CRTAC1: variants seen among roughly 807,000 people sequenced by gnomAD.
CRTAC1 encodes acidic secreted protein in cartilage.
CRTAC1 carries 37 observed loss-of-function variants against 67.8 expected under a neutral mutation model. That is an observed-to-expected ratio of 0.55 (90% confidence interval 0.42 to 0.72). The LOEUF (loss-of-function observed/expected upper bound fraction) is 0.72. Among genes scored for constraint, CRTAC1 ranks in the 30% least tolerant of loss-of-function variants. CRTAC1 has a pLI of 0.00. For synonymous variants in CRTAC1, 348 were observed against 371.0 expected (o/e 0.94, Z 0.71); for missense variants, 780 against 931.6 (o/e 0.84, Z 2.12).
chr10:97,875,886 C>T (rs2050141528), intron 14 of CRTAC1: 2 of 152,218 alleles, frequency 1.3e-5, no homozygotes, highest in Admixed American at 6.5e-5. Context: ...ATGGCACCTT[C>T]CCAGAGTAGG....
chr10:97,935,344 A>G (rs2051070218), intron 3 of CRTAC1, among the ~76,000 whole-genome samples: 1 of 152,202 alleles, frequency 6.6e-6, no homozygotes, highest in African/African-American at 2.4e-5. Context: ...TTAAGTATTA[A>G]CTGTTATTAT....
intron 14 of CRTAC1, chr10:97,879,949 C>T (rs1270668414): frequency 3.9e-6 from 3 of 776,226 alleles, no homozygotes; most frequent in Admixed American, 2.9e-5. Context: ...TAGTTTATAT[C>T]CCAGCTATGA....
chr10:97,965,678 T>C (rs2051603586), intron 2 of CRTAC1, among the ~76,000 whole-genome samples: 1 of 152,098 alleles, frequency 6.6e-6, no homozygotes, highest in Non-Finnish European at 1.5e-5. Flanking sequence ...CTCCCTAAAG[T>C]AAAGTCATTT....
chr10:97,923,544 G>C (rs1022793299), intron 3 of CRTAC1, 144 bp from the exon 4 acceptor site: 6 of 881,622 alleles, frequency 6.8e-6, no homozygotes, highest in African/African-American at 1.6e-5. Context: ...ACCTCAAGCA[G>C]GTGAGACTCC....
At chr10:97,919,660 C>T (rs1185202809) in intron 4 of CRTAC1, among the ~76,000 whole-genome samples, 7 of 152,104 alleles carry the variant, frequency 4.6e-5, no homozygotes, top group Non-Finnish European at 8.8e-5. Context: ...AATATAGACC[C>T]TCAGCAACCA....
chr10:97,898,830 C>T (rs1175516550), intron 8 of CRTAC1, among the ~76,000 whole-genome samples: 3 of 152,128 alleles, frequency 2.0e-5, no homozygotes, highest in Non-Finnish European at 4.4e-5. Flanking sequence ...ACCCTGCACA[C>T]CGCAGTTGGC....
intron 11 of CRTAC1, among the ~76,000 whole-genome samples, chr10:97,893,711 C>A (rs1007719767): frequency 3.5e-4 from 53 of 152,208 alleles, no homozygotes; most frequent in African/African-American, 1.2e-3. Context: ...CACAAAGACC[C>A]TCTCGGGCTG....
intron 2 of CRTAC1, among the ~76,000 whole-genome samples, chr10:98,002,804 A>G (rs147926658): frequency 1.3e-5 from 1 of 77,806 alleles, no homozygotes; most frequent in African/African-American, 5.0e-5. Flanking sequence ...TTTTTGAGAG[A>G]GTCTGTCTCT....
chr10:98,027,871 G>A (rs964034170), intron 1 of CRTAC1, among the ~76,000 whole-genome samples: 1 of 152,236 alleles, frequency 6.6e-6, no homozygotes, highest in Non-Finnish European at 1.5e-5. Flanking sequence ...AGTGGAAACA[G>A]CTCTGAATCG....
At chr10:97,911,119 C>A (rs780938841) in intron 5 of CRTAC1, among the ~76,000 whole-genome samples, 1 of 152,192 alleles carries the variant, frequency 6.6e-6, no homozygotes, top group Non-Finnish European at 1.5e-5. Flanking sequence ...CTGTCCCTGC[C>A]CTGGTCTTAC....
At chr10:97,998,582 A>G (rs2136680975) in intron 2 of CRTAC1, among the ~76,000 whole-genome samples, 1 of 152,330 alleles carries the variant, frequency 6.6e-6, no homozygotes, top group Admixed American at 6.5e-5. Context: ...CAGTAGAGAT[A>G]TTTTTAGATT....
At chr10:97,905,666 G>A (rs1034139975) in intron 6 of CRTAC1, among the ~76,000 whole-genome samples, 2 of 152,214 alleles carry the variant, frequency 1.3e-5, no homozygotes, top group Admixed American at 1.3e-4. Flanking sequence ...AGGGCCTGTG[G>A]TTGCCTGGTA....
chr10:97,930,339 T>TGCA (rs1400216673), intron 3 of CRTAC1, among the ~76,000 whole-genome samples: 1 of 152,202 alleles, frequency 6.6e-6, no homozygotes, highest in Non-Finnish European at 1.5e-5. Context: ...CTTTGGCCCA[T>TGCA]GCTGGGAGAG....
intron 8 of CRTAC1, among the ~76,000 whole-genome samples, chr10:97,900,890 G>A (rs672174): frequency 1.2e-5 from 1 of 83,308 alleles, no homozygotes; most frequent in Admixed American, 1.2e-4. Context: ...AGTGATTGGA[G>A]CCCGTAGCCC....
intron 7 of CRTAC1, among the ~76,000 whole-genome samples, chr10:97,903,521 G>T (rs1250882827): frequency 6.6e-6 from 1 of 151,854 alleles, no homozygotes; most frequent in East Asian, 1.9e-4. Flanking sequence ...GGGCCTGGGC[G>T]TCCCAAGGTG....
At chr10:97,917,463 C>T in intron 5 of CRTAC1, 37 bp downstream of exon 5, 1 of 1,441,422 alleles carries the variant, frequency 6.9e-7, no homozygotes. Context: ...CAGCCCCAGC[C>T]CCTCCAGCAT....
In CRTAC1 at chr10:98,030,291, C is replaced by A. The variant is rs375460101; in HGVS notation, c.24+158G>T. ...GCGCGCCAATCGAGTCCAGCGCCTC[C>A]CAGCAAGTTAGGAGCGAAGCCGCCG... On this transcript the variant is annotated intron_variant, in intron 1 of 14. Transcript: ENST00000370597. This position sits in a 1 kb window ranked among gnomAD's most constrained non-coding sequence, Gnocchi z 4.2. Among the ~76,000 whole-genome samples, 1 of 152,176 alleles carries A rather than the reference C, an allele frequency of 6.6e-6. No homozygotes were observed. The highest frequency in any genetic ancestry group is 1.5e-5 in the Non-Finnish European group (1 of 68,002).
At chr10:97,928,776 G>C (rs1303648925) in intron 3 of CRTAC1, among the ~76,000 whole-genome samples, 1 of 152,082 alleles carries the variant, frequency 6.6e-6, no homozygotes, top group South Asian at 2.1e-4. Context: ...GCGAGAAAAA[G>C]GCACAGAGGG....
intron 2 of CRTAC1, among the ~76,000 whole-genome samples, chr10:98,009,094 C>T (rs1463043165): frequency 6.6e-6 from 1 of 152,180 alleles, no homozygotes; most frequent in East Asian, 1.9e-4. Context: ...CTCAGGTCAC[C>T]CCAGGTAAAA....
Sources: allele counts gnomAD v4.1 joint callset (sites outside exome capture counted in the v4.1 genomes callset), GRCh38; gene constraint gnomAD v4.1.1; non-coding constraint Gnocchi (gnomAD v3.1); transcripts MANE v1.5; gene names NCBI Gene and HGNC (gene_info 2026-07-23, HGNC 2026-07-21).